PPP1R8: variants seen among roughly 807,000 people sequenced by gnomAD.
The protein encoded by PPP1R8 is nuclear inhibitor of protein phosphatase 1.
A neutral mutation model predicts 31.3 loss-of-function variants in PPP1R8; 4 were observed. The observed-to-expected ratio is 0.13, with a 90% CI of 0.06 to 0.29. PPP1R8 has a LOEUF of 0.29. Ranked by LOEUF, PPP1R8 falls within the 10% of genes least tolerant of loss-of-function variation. The pLI is 1.00. For synonymous variants in PPP1R8, 170 were observed against 169.7 expected (o/e 1.00, Z -0.01); for missense variants, 254 against 440.1 (o/e 0.58, Z 3.78).
chr1:27,836,900 T>C (rs558101254), intron 2 of PPP1R8, among the ~76,000 whole-genome samples: 43 of 152,106 alleles, frequency 2.8e-4, no homozygotes, highest in Non-Finnish European at 3.8e-4. Flanking sequence ...AAAAATACTT[T>C]GGGACTATGG....
chr1:27,833,639 C>T (rs992246831), intron 2 of PPP1R8, among the ~76,000 whole-genome samples: 27 of 152,138 alleles, frequency 1.8e-4, no homozygotes, highest in Admixed American at 1.7e-3. Context: ...CTGTGAGTCT[C>T]CCATATTAGA....
At chr1:27,837,515 T>C (rs952823671) in intron 2 of PPP1R8, among the ~76,000 whole-genome samples, 3 of 151,418 alleles carry the variant, frequency 2.0e-5, no homozygotes, top group Non-Finnish European at 4.4e-5. Flanking sequence ...AGCGGTTGGC[T>C]CATGCTTGTA....
intron 2 of PPP1R8, among the ~76,000 whole-genome samples, chr1:27,838,385 C>CA (rs1226562209): frequency 6.6e-6 from 1 of 151,774 alleles, no homozygotes; most frequent in East Asian, 1.9e-4. Context: ...ATCTCAGAAA[C>CA]AAAAAAGAGA....
Position 27,850,124 on chromosome 1 carries a change from G to T in PPP1R8, c.734G>T (p.Gly245Val). The change falls in exon 7 of 7, where the codon GGC (glycine) becomes GTC (valine). Residue 245 changes from glycine to valine, a missense_variant. This residue lies in a region of PPP1R8 where 105 missense variants were observed against 128.0 expected (regional missense o/e 0.82). Transcript: ENST00000311772. ...CGTGTGGAGGGCCCTGGCTCCCTGG[G>T]CCTGGAGGAATCAGGGAGCAGGCGC... ...KKRVEGPGSL[G>V]LEESGSRRMQ... is the part of the protein sequence containing the mutation. 6.3e-7 allele frequency: 1 copy of T among 1,598,948 alleles called. No homozygotes were observed. Among genetic ancestry groups the T allele is most frequent in the East Asian group, 2.2e-5 (1 of 44,608 alleles).
intron 3 of PPP1R8, 60 bp downstream of exon 3, chr1:27,838,912 G>C: frequency 7.2e-7 from 1 of 1,388,982 alleles, no homozygotes. Context: ...TACTCTTTGG[G>C]TTCTTTAGTT....
Position 27,844,884 on chromosome 1 carries a change from A to ATTTTTTTT in PPP1R8, c.637+1577_637+1584dup, listed in dbSNP as rs765514573. Among the ~76,000 whole-genome samples, 52 of 72,376 alleles carry ATTTTTTTT rather than the reference A, an allele frequency of 7.2e-4. 11 individuals are homozygous for ATTTTTTTT. Among genetic ancestry groups the ATTTTTTTT allele is most frequent in the African/African-American group, 5.1e-3 (50 of 9,870 alleles). The allele number at this position is 72,376 out of a possible 152,430, so 47.5% of individuals were successfully genotyped here. On this transcript the variant is annotated intron_variant, in intron 5 of 6. Coordinates refer to ENST00000311772, the MANE Select transcript of PPP1R8 (RefSeq NM_014110.5). ...AGGCGCCCGCCACCATGCCCGACTA[A>ATTTTTTTT]TTTTTTTTTTTTTTTTTTTTTTTTT...
chr1:27,845,501 A>G (rs918329298), intron 5 of PPP1R8, among the ~76,000 whole-genome samples: 13 of 151,992 alleles, frequency 8.6e-5, no homozygotes, highest in Non-Finnish European at 1.6e-4. Context: ...CGGAGGGGCC[A>G]TGAGAGAAGT....
chr1:27,850,018 A>G (rs1036118983), intron 6 of PPP1R8, 75 bp from the exon 7 acceptor site: 9 of 1,381,068 alleles, frequency 6.5e-6, no homozygotes, highest in Non-Finnish European at 7.8e-6. Flanking sequence ...TGGAATAGAA[A>G]AAGCTAACCA....
chr1:27,843,648 AAAAG>A (rs758258574), intron 5 of PPP1R8, among the ~76,000 whole-genome samples: 47 of 151,986 alleles, frequency 3.1e-4, no homozygotes, highest in Non-Finnish European at 6.0e-4. Context: ...TGACAAAAAA[AAAAG>A]AAAGAAAAAG....
rs573905351 is a variant in PPP1R8, at chr1:27,851,352, T to C, written c.*906T>C. 1 of 325,204 alleles carries C rather than the reference T, an allele frequency of 3.1e-6. No individual in the cohort carries two copies. Among genetic ancestry groups the C allele is most frequent in the African/African-American group, 2.2e-5 (1 of 46,478 alleles). 20.1% of individuals were successfully genotyped at this position (325,204 alleles called of 1,614,324 possible). ...TTCCCCCCTCAATTGAGAGCTCTTG[T>C]TATTCAGAGCTCCAAGACTAGACCT... On this transcript the variant is annotated 3_prime_UTR_variant, in exon 7 of 7. Coordinates refer to ENST00000311772, the MANE Select transcript of PPP1R8 (RefSeq NM_014110.5).
At chr1:27,844,132 A>T (rs997298369) in intron 5 of PPP1R8, among the ~76,000 whole-genome samples, 1 of 151,640 alleles carries the variant, frequency 6.6e-6, no homozygotes, top group African/African-American at 2.4e-5. Context: ...CCTCCTGAGT[A>T]TCTGGGACAA....
intron 2 of PPP1R8, among the ~76,000 whole-genome samples, chr1:27,833,692 G>A (rs1187392709): frequency 6.6e-6 from 1 of 152,064 alleles, no homozygotes; most frequent in African/African-American, 2.4e-5. Flanking sequence ...TAGGTTCAAG[G>A]CCCCATTATT....
chr1:27,837,881 C>T (rs961829140), intron 2 of PPP1R8, among the ~76,000 whole-genome samples: 1 of 151,482 alleles, frequency 6.6e-6, no homozygotes, highest in Non-Finnish European at 1.5e-5. Context: ...TCAAGACCAA[C>T]CTGGCCAGTA....
chr1:27,841,889 G>T (rs1246198550), intron 4 of PPP1R8, among the ~76,000 whole-genome samples: 1 of 152,190 alleles, frequency 6.6e-6, no homozygotes, highest in African/African-American at 2.4e-5. Flanking sequence ...CAGTAGTTTG[G>T]TGTGGCTATA....
At chr1:27,849,523 G>C (rs188735050) in intron 6 of PPP1R8, among the ~76,000 whole-genome samples, 1 of 151,996 alleles carries the variant, frequency 6.6e-6, no homozygotes, top group East Asian at 1.9e-4. Flanking sequence ...TTGAGACAGA[G>C]TCTTACTCTG....
At chr1:27,831,188 G>A (rs1413187461) in intron 1 of PPP1R8, 1 of 1,177,606 alleles carries the variant, frequency 8.5e-7, no homozygotes, top group Non-Finnish European at 1.1e-6. Context: ...CCGAACTTAC[G>A]CCCAACTCTT....
intron 5 of PPP1R8, 134 bp from the exon 6 acceptor site, chr1:27,846,894 A>G: frequency 1.4e-6 from 1 of 731,670 alleles, no homozygotes; most frequent in Admixed American, 2.1e-5. Context: ...CACAATGCCC[A>G]GCACCCAGGA....
Position 27,838,800 on chromosome 1 carries a change from A to G in PPP1R8, c.219A>G (p.Ala73=). ...AGTCTTGCTCTCGGGTCCATGCTGC[A>G]CTTGTCTACCACAAGCATCTGAAGA... is the stretch of plus-strand genomic sequence containing the variant. ...DHQSCSRVHA[A]LVYHKHLKRV... Residue 73 remains alanine (A), a synonymous_variant, in exon 3 of 7, where the codon GCA becomes GCG. Transcript: ENST00000311772. 6.2e-7 allele frequency: 1 copy of G among 1,612,638 alleles called. No homozygotes were observed. The highest frequency in any genetic ancestry group is 8.5e-7 in the Non-Finnish European group (1 of 1,179,402).
intron 6 of PPP1R8, among the ~76,000 whole-genome samples, chr1:27,847,703 C>CCTGGTGACAGAGCG (rs1437165910): frequency 1.3e-5 from 2 of 152,014 alleles, no homozygotes; most frequent in African/African-American, 4.8e-5. Flanking sequence ...TGCACTCCAG[C>CCTGGTGACAGAGCG]CTGGTGACAG....
Sources: allele counts gnomAD v4.1 joint callset (sites outside exome capture counted in the v4.1 genomes callset), GRCh38; gene constraint gnomAD v4.1.1; regional missense constraint gnomAD v4.1.1; transcripts MANE v1.5; gene names NCBI Gene and HGNC (gene_info 2026-07-23, HGNC 2026-07-21).